DCT: variants seen among roughly 807,000 people sequenced by gnomAD.
DCT encodes dopachrome tautomerase.
A neutral mutation model predicts 53.0 loss-of-function variants in DCT; 47 were observed. That is an observed-to-expected ratio of 0.89 (90% CI 0.70 to 1.13). DCT has a LOEUF of 1.13. Ranked by LOEUF, DCT falls within the 50% of genes most tolerant of loss-of-function variation. The pLI is 0.00. For missense variants in DCT, 669 were observed against 637.4 expected (o/e 1.05, Z -0.53); for synonymous variants, 244 against 237.0 (o/e 1.03, Z -0.27).
intron 6 of DCT, among the ~76,000 whole-genome samples, chr13:94,458,708 A>G (rs1379154273): frequency 2.0e-5 from 3 of 152,010 alleles, no homozygotes; most frequent in Non-Finnish European, 4.4e-5. Flanking sequence ...AGGCTGAGGC[A>G]GAAGAATCAC....
At chr13:94,493,585 T>A in the DCT span, among the ~76,000 whole-genome samples, 1 of 152,204 alleles carries the variant, frequency 6.6e-6, no homozygotes, top group South Asian at 2.1e-4. Context: ...TCAGTCAAGT[T>A]ATGGTGACAT....
intron 1 of DCT, among the ~76,000 whole-genome samples, chr13:94,472,537 TATATATATATATATATATATATATATA>T (rs1566854682): frequency 1.9e-4 from 5 of 25,892 alleles, no homozygotes; most frequent in African/African-American, 3.9e-4. Context: ...TATATATATA[TATATATATATATATATATATATATATA>T]TATATTTTTT....
chr13:94,500,357 T>C, the DCT span, among the ~76,000 whole-genome samples: 183 of 152,294 alleles, frequency 1.2e-3, 1 homozygote, highest in Non-Finnish European at 1.6e-3. Flanking sequence ...GGGGAGCCCC[T>C]TAGAAAATCA....
the DCT span, among the ~76,000 whole-genome samples, chr13:94,517,966 G>A: frequency 1.3e-5 from 2 of 151,998 alleles, no homozygotes; most frequent in African/African-American, 4.8e-5. Flanking sequence ...TTCAGGGCCA[G>A]GCACAGTGGC....
At chr13:94,463,763 G>A (rs1473391648) in intron 4 of DCT, among the ~76,000 whole-genome samples, 2 of 152,106 alleles carry the variant, frequency 1.3e-5, no homozygotes, top group Non-Finnish European at 2.9e-5. Context: ...TCATGAATTA[G>A]GGATAGGACC....
chr13:94,468,756 A>G lies in DCT; in HGVS notation c.585T>C (p.Asp195=), dbSNP rs1884395157. Residue 195 remains aspartate (D), a synonymous_variant, in exon 2 of 8, where the codon GAT becomes GAC. Transcript: ENST00000377028. ...FVWLHYYSVR[D]TLLGPGRPYR... is the part of the protein sequence containing the mutation. ...AAGGAAAAAACCCACCTAATAATGT[A>G]TCTCTAACAGAATAATAATGGAGCC... 4 of 1,613,858 alleles carry G rather than the reference A, an allele frequency of 2.5e-6. No individual in the cohort carries two copies. The South Asian group carries it at 3.3e-5, about 13-fold the overall frequency.
Position 94,439,895 on chromosome 13 carries a change from AC to A in DCT, c.*2del. 6.2e-7 allele frequency: 1 copy of A among 1,609,178 alleles called. No individual in the cohort carries two copies. Among genetic ancestry groups the A allele is most frequent in the Admixed American group, 1.7e-5 (1 of 59,192 alleles). ...CTCTTCTCTTAGGTAAGGCATGAGC[AC>A]CCTAGGCTTCTTCTGTGTATCTCTT... On this transcript the variant is annotated 3_prime_UTR_variant, in exon 8 of 8. Transcript: ENST00000377028.
chr13:94,460,865 A>G (rs1390700607), intron 5 of DCT, among the ~76,000 whole-genome samples: 1 of 152,250 alleles, frequency 6.6e-6, no homozygotes, highest in African/African-American at 2.4e-5. Context: ...GGGTCCAAAA[A>G]GGGGATGGTA....
the DCT span, among the ~76,000 whole-genome samples, chr13:94,514,182 A>T: frequency 6.6e-6 from 1 of 152,058 alleles, no homozygotes; most frequent in African/African-American, 2.4e-5. Context: ...CTGTGCCGGG[A>T]ACATCACCAC....
chr13:94,453,027 G>A (rs1883196178), intron 6 of DCT, among the ~76,000 whole-genome samples: 1 of 151,882 alleles, frequency 6.6e-6, no homozygotes, highest in Admixed American at 6.6e-5. Context: ...ATTTTAAGAT[G>A]AAAAAATTTA....
At chr13:94,453,754 G>A (rs1883242982) in intron 6 of DCT, among the ~76,000 whole-genome samples, 1 of 152,136 alleles carries the variant, frequency 6.6e-6, no homozygotes, top group African/African-American at 2.4e-5. Context: ...TCCTGCACAA[G>A]TTCTCTCTTG....
At chr13:94,504,589 G>A in the DCT span, among the ~76,000 whole-genome samples, 3 of 152,044 alleles carry the variant, frequency 2.0e-5, no homozygotes, top group Non-Finnish European at 2.9e-5. Flanking sequence ...GGCTGGTCTC[G>A]AACTCCTGAT....
chr13:94,529,250 G>T, the DCT span, among the ~76,000 whole-genome samples: 1 of 152,240 alleles, frequency 6.6e-6, no homozygotes, highest in South Asian at 2.1e-4. Context: ...AGGTTAACAA[G>T]GATATCCAGG....
chr13:94,445,596 T>C (rs1882664902), intron 6 of DCT: 1 of 674,408 alleles, frequency 1.5e-6, no homozygotes, highest in African/African-American at 1.8e-5. Context: ...ACAGAAATGG[T>C]AAGAAATGAA....
intron 5 of DCT, among the ~76,000 whole-genome samples, chr13:94,461,380 A>G (rs948733048): frequency 4.6e-5 from 7 of 152,002 alleles, no homozygotes; most frequent in African/African-American, 1.7e-4. Context: ...CTACTTTTTT[A>G]TATTTTTTTG....
chr13:94,491,546 T>C, the DCT span, among the ~76,000 whole-genome samples: 1 of 152,148 alleles, frequency 6.6e-6, no homozygotes, highest in African/African-American at 2.4e-5. Flanking sequence ...ATTCAACAGA[T>C]AACAGATAAT....
intron 1 of DCT, among the ~76,000 whole-genome samples, chr13:94,472,467 T>G (rs529199748): frequency 1.2e-3 from 168 of 137,976 alleles, no homozygotes; most frequent in Non-Finnish European, 1.7e-3. Flanking sequence ...CACATTAATG[T>G]GGAGCACATA....
chr13:94,447,147 C>G (rs1264778423), intron 6 of DCT, among the ~76,000 whole-genome samples: 1 of 152,186 alleles, frequency 6.6e-6, no homozygotes, highest in African/African-American at 2.4e-5. Flanking sequence ...CCCAGGAAGT[C>G]TGGTTCTAAA....
chr13:94,492,044 C>T, the DCT span, among the ~76,000 whole-genome samples: 1 of 152,152 alleles, frequency 6.6e-6, no homozygotes, highest in African/African-American at 2.4e-5. Flanking sequence ...CACTGGACAA[C>T]CAGGGGTGAG....
Sources: allele counts gnomAD v4.1 joint callset (sites outside exome capture counted in the v4.1 genomes callset), GRCh38; gene constraint gnomAD v4.1.1; transcripts MANE v1.5; gene names NCBI Gene and HGNC (gene_info 2026-07-23, HGNC 2026-07-21).